PTER: variants seen among roughly 807,000 people sequenced by gnomAD.
PTER encodes N-acetyltaurine hydrolase.
In PTER, 38 loss-of-function variants were observed where a neutral mutation model predicts 29.6. That is an observed-to-expected ratio of 1.28 (90% confidence interval 0.99 to 1.68). The LOEUF is 1.68. Ranked by LOEUF, PTER falls within the 40% of genes most tolerant of loss-of-function variation. The pLI is 0.00. For synonymous variants in PTER, 172 were observed against 154.5 expected, an observed-to-expected ratio of 1.11 and a Z score of -0.84; for missense variants, 482 against 427.8, an observed-to-expected ratio of 1.13 and a Z score of -1.12.
chr10:16,465,250 T>A (rs374936388), intron 1 of PTER, among the ~76,000 whole-genome samples: 1,965 of 92,504 alleles, frequency 0.021, 54 homozygotes, highest in African/African-American at 0.1. Flanking sequence ...GCTTACCATA[T>A]ATGTGCTAAG....
intron 1 of PTER, among the ~76,000 whole-genome samples, chr10:16,438,936 A>AAT (rs1833754135): frequency 6.6e-6 from 1 of 150,914 alleles, no homozygotes; most frequent in Non-Finnish European, 1.5e-5. Flanking sequence ...AAAAAAAAAA[A>AAT]AAGGTAAGTG....
intron 3 of PTER, among the ~76,000 whole-genome samples, chr10:16,491,952 A>G (rs1317335933): frequency 6.6e-6 from 1 of 152,110 alleles, no homozygotes; most frequent in African/African-American, 2.4e-5. Context: ...ACACACACAC[A>G]CACATACACT....
chr10:16,486,545 C>G lies in PTER; in HGVS notation c.626C>G (p.Pro209Arg). The change falls in exon 3 of 5, where the codon CCA (proline) becomes CGA (arginine). Residue 209 changes from proline to arginine, a missense_variant. Physicochemically the swap from Pro to Arg is moderately radical, Grantham distance 103 (BLOSUM62 -2). Transcript: ENST00000535784. ...IIHPGRSSRA[P>R]FQIIRILQEA... ...CATCCTGGACGGAGCTCCAGGGCACCATTTCAGATTATCCGAATATTGCAA... is the reference window on the plus strand; with the variant it reads ...CATCCTGGACGGAGCTCCAGGGCACGATTTCAGATTATCCGAATATTGCAA... The G allele has an allele frequency of 6.2e-7, 1 of 1,614,024 alleles. No homozygotes were observed. The highest frequency in any genetic ancestry group is 1.7e-5 in the Admixed American group (1 of 60,000).
chr10:16,513,456 A>G lies in PTER; in HGVS notation c.*2200A>G, dbSNP rs1459331211. 1 of 150,832 alleles carries G rather than the reference A, an allele frequency of 6.6e-6. No homozygotes were observed. The highest frequency in any genetic ancestry group is 2.4e-5 in the African/African-American group (1 of 40,858). 9.3% of individuals were successfully genotyped at this position (150,832 alleles called of 1,614,324 possible). The stretch of plus-strand genomic sequence containing the variant: ...AAATAAAACATTTCATCTAATATAT[A>G]TATGTGTGTGTGAGTATATGTGTGC... On this transcript the variant is annotated 3_prime_UTR_variant, in exon 5 of 5. Coordinates refer to ENST00000535784, the MANE Select transcript of PTER (RefSeq NM_001261836.2).
At chr10:16,463,127 A>G (rs1036116370) in intron 1 of PTER, among the ~76,000 whole-genome samples, 1 of 142,832 alleles carries the variant, frequency 7.0e-6, no homozygotes, top group Non-Finnish European at 1.5e-5. Flanking sequence ...CGGGAGGCGG[A>G]GGTTGCAGTG....
chr10:16,437,708 G>A (rs986007748), intron 1 of PTER, among the ~76,000 whole-genome samples: 1 of 152,156 alleles, frequency 6.6e-6, no homozygotes, highest in African/African-American at 2.4e-5. Context: ...CCACTCTGCA[G>A]CCCTGTGAAG....
At chr10:16,493,563 C>T (rs990718728) in intron 3 of PTER, among the ~76,000 whole-genome samples, 4 of 152,070 alleles carry the variant, frequency 2.6e-5, no homozygotes, top group African/African-American at 9.7e-5. Context: ...AGCCACTGAG[C>T]CGGCCAGAAA....
chr10:16,471,226 T>G (rs1288894660), intron 1 of PTER, among the ~76,000 whole-genome samples: 1 of 152,224 alleles, frequency 6.6e-6, no homozygotes, highest in East Asian at 1.9e-4. Flanking sequence ...GACAGGCAAT[T>G]AGCAACTTTG....
At chr10:16,517,572 T>G (rs7899372), downstream of PTER, among the ~76,000 whole-genome samples, 1,602 of 152,284 alleles carry the variant, frequency 0.011, 35 homozygotes, top group African/African-American at 0.037. Flanking sequence ...TCTTTCCAAA[T>G]GTAAAGCTAT....
intron 1 of PTER, among the ~76,000 whole-genome samples, chr10:16,471,625 G>A (rs1292872519): frequency 1.3e-5 from 2 of 151,996 alleles, no homozygotes; most frequent in East Asian, 1.9e-4. Context: ...GCTTTTTCAG[G>A]TAATAAGAGC....
chr10:16,491,241 G>A lies in PTER; in HGVS notation c.698+4624G>A, dbSNP rs189501367. Among the ~76,000 whole-genome samples, 407 of 152,270 alleles carry A rather than the reference G, an allele frequency of 2.7e-3. 1 individual carries two copies. Among genetic ancestry groups the A allele is most frequent in the African/African-American group, 9.4e-3 (392 of 41,550 alleles). On this transcript the variant is annotated intron_variant, in intron 3 of 4. Transcript: ENST00000535784. ...ATGAAAAAGACATACATGAAAGTAT[G>A]AGCATTTCAGAAGGGAGGCAGCTAG...
intron 1 of PTER, among the ~76,000 whole-genome samples, chr10:16,453,772 A>G (rs370584801): frequency 7.3e-4 from 111 of 152,362 alleles, no homozygotes; most frequent in African/African-American, 2.3e-3. Context: ...CTGATTTTCT[A>G]CTATACATAT....
intron 3 of PTER, among the ~76,000 whole-genome samples, chr10:16,495,944 G>A (rs1390414248): frequency 6.6e-6 from 1 of 151,986 alleles, no homozygotes; most frequent in African/African-American, 2.4e-5. Flanking sequence ...TTATTTAATG[G>A]TGCCAACATC....
At chr10:16,498,659 A>G (rs1836211803) in intron 3 of PTER, among the ~76,000 whole-genome samples, 1 of 152,200 alleles carries the variant, frequency 6.6e-6, no homozygotes, top group South Asian at 2.1e-4. Flanking sequence ...GGCTGAGGTT[A>G]GCACCTCCAC....
In PTER at chr10:16,469,390, C is replaced by T. The variant is rs184327880; in HGVS notation, c.-48-14947C>T. ...ATTCTTGTCTGCGATTTAGAAAGAG[C>T]GCTGTATAGGCTTCCTAAGGTGGAT... On this transcript the variant is annotated intron_variant, in intron 1 of 4. Coordinates refer to ENST00000535784, the MANE Select transcript of PTER (RefSeq NM_001261836.2). 1.2e-4 allele frequency among the ~76,000 whole-genome samples: 18 copies of T among 152,188 alleles called. No individual in the cohort carries two copies. The East Asian group carries it at 2.9e-3, about 24-fold the overall frequency.
At chr10:16,486,105 A>C (rs112452579) in intron 2 of PTER, among the ~76,000 whole-genome samples, 2,398 of 152,240 alleles carry the variant, frequency 0.016, 63 homozygotes, top group African/African-American at 0.055. Flanking sequence ...CCAGCTTCCT[A>C]AAGCTATAAA....
chr10:16,492,414 T>C (rs1172581163), intron 3 of PTER, among the ~76,000 whole-genome samples: 1 of 152,182 alleles, frequency 6.6e-6, no homozygotes, highest in Non-Finnish European at 1.5e-5. Context: ...AGGTGACGTG[T>C]AATGATAGCA....
chr10:16,457,731 CTG>C (rs1834463742), intron 1 of PTER, among the ~76,000 whole-genome samples: 1 of 152,064 alleles, frequency 6.6e-6, no homozygotes, highest in Non-Finnish European at 1.5e-5. Flanking sequence ...TTCCCAGAAA[CTG>C]GCACTACAGG....
chr10:16,498,386 C>A (rs11254029), intron 3 of PTER, among the ~76,000 whole-genome samples: 80,779 of 151,864 alleles, frequency 0.53, 22,010 homozygotes, highest in East Asian at 0.83. Flanking sequence ...GAGTTTGAGA[C>A]CAGCCTGGCC....
Sources: gnomAD v4.1 joint callset for allele counts (sites outside exome capture counted in the v4.1 genomes callset) on GRCh38, gnomAD v4.1.1 for gene constraint, MANE v1.5 for transcripts, NCBI Gene and HGNC (gene_info 2026-07-23, HGNC 2026-07-21) for gene names.